The following NMT2 variants were observed in gnomAD, a reference collection of about 807,000 sequenced individuals.
NMT2 encodes the protein N-myristoyltransferase 2, also known as glycylpeptide N-tetradecanoyltransferase 2.
Under a neutral mutation model 65.4 loss-of-function variants are expected in NMT2, and 35 were observed. The ratio of observed to expected loss-of-function variants is 0.54; its 90% CI spans 0.41 to 0.71. The LOEUF (loss-of-function observed/expected upper bound fraction) is 0.71. NMT2 is among the 30% of genes least tolerant of loss of function. The pLI is 0.00. For synonymous variants in NMT2, 226 were observed against 231.8 expected (o/e 0.98, Z 0.23); for missense variants, 489 against 611.3 (o/e 0.80, Z 2.11).
Position 15,139,863 on chromosome 10 carries a change from C to CCATATA in NMT2, c.246+1558_246+1559insTATATG, listed in dbSNP as rs1434021981. ...AAAGCTTGTAGAATGGTAACAACTACTATATATATATATATATATATATAT... is the reference window on the plus strand; with the variant it reads ...AAAGCTTGTAGAATGGTAACAACTACCATATATATATATATATATATATATATATAT... On this transcript the variant is annotated intron_variant, in intron 2 of 11. Coordinates refer to ENST00000378165, the MANE Select transcript of NMT2 (RefSeq NM_004808.3). The CCATATA allele has an allele frequency of 6.9e-4, 48 of 69,632 alleles. 4 individuals carry two copies. Among genetic ancestry groups the CCATATA allele is most frequent in the African/African-American group, 1.5e-3 (46 of 29,860 alleles). 4.3% of individuals were successfully genotyped at this position (69,632 alleles called of 1,614,324 possible).
chr10:15,108,912 T>C lies in NMT2; in HGVS notation c.*283A>G. On this transcript the variant is annotated 3_prime_UTR_variant, in exon 12 of 12. Coordinates refer to ENST00000378165, the MANE Select transcript of NMT2 (RefSeq NM_004808.3). ...AGTCCCTTTTCTAAGGGTGAAAAAA[T>C]ACCTCTTCAAGAGACAGGCAAAAAT... is the stretch of plus-strand genomic sequence containing the variant. 1.7e-6 allele frequency: 2 copies of C among 1,181,852 alleles called. No individual in the cohort carries two copies. The highest frequency in any genetic ancestry group is 1.0e-6 in the Non-Finnish European group (1 of 955,504). The allele number at this position is 1,181,852 out of a possible 1,614,324, so 73.2% of individuals were successfully genotyped here. A position where few individuals can be genotyped will look rare whatever the true frequency, so the allele number is the denominator to read the frequency against.
At chr10:15,132,784 A>G (rs759290901) in intron 6 of NMT2, 33 bp downstream of exon 6, 2 of 1,454,312 alleles carry the variant, frequency 1.4e-6, no homozygotes, top group East Asian at 4.6e-5. Flanking sequence ...AAATAAACAT[A>G]TAAAAACCGC....
intron 8 of NMT2, among the ~76,000 whole-genome samples, chr10:15,120,673 C>T (rs571656849): frequency 6.6e-6 from 1 of 152,130 alleles, no homozygotes; most frequent in African/African-American, 2.4e-5. Flanking sequence ...TATGCAATAG[C>T]CCATTAAAAG....
At chr10:15,157,959 A>G (rs1324760023) in intron 1 of NMT2, among the ~76,000 whole-genome samples, 4 of 152,226 alleles carry the variant, frequency 2.6e-5, no homozygotes, top group Admixed American at 2.6e-4. Context: ...TATGGCCTGG[A>G]TAACTTATTA....
chr10:15,143,591 T>C (rs1375010414), intron 1 of NMT2, among the ~76,000 whole-genome samples: 1 of 152,224 alleles, frequency 6.6e-6, no homozygotes, highest in Non-Finnish European at 1.5e-5. Context: ...GCATGGTGGC[T>C]CACGCCTATA....
chr10:15,158,554 C>T (rs1468644423), intron 1 of NMT2, among the ~76,000 whole-genome samples: 1 of 152,108 alleles, frequency 6.6e-6, no homozygotes, highest in African/African-American at 2.4e-5. Flanking sequence ...TTCTGCAAAT[C>T]TTTAGTAAGT....
chr10:15,112,226 T>A (rs1401528012), intron 10 of NMT2, among the ~76,000 whole-genome samples: 75 of 37,526 alleles, frequency 2.0e-3, no homozygotes, highest in African/African-American at 3.9e-3. Flanking sequence ...ATTTTTTTTT[T>A]TTTTTTTTTT....
At chr10:15,109,594 TA>T in intron 11 of NMT2, 107 bp downstream of exon 11, 1 of 870,470 alleles carries the variant, frequency 1.1e-6, no homozygotes, top group Non-Finnish European at 1.6e-6. Flanking sequence ...AATAAATAAA[TA>T]AAATGAACAA....
chr10:15,121,677 G>C (rs1334417020), intron 8 of NMT2, among the ~76,000 whole-genome samples: 4 of 152,068 alleles, frequency 2.6e-5, no homozygotes, highest in African/African-American at 4.8e-5. Context: ...AAGGAAAATA[G>C]GTTTTCTCTT....
At chr10:15,154,922 G>T in intron 1 of NMT2, 1 of 962,964 alleles carries the variant, frequency 1.0e-6, no homozygotes, top group Non-Finnish European at 1.7e-6. Flanking sequence ...CCACATGCTT[G>T]CCATCCAACC....
At chr10:15,153,860 A>C (rs979140355) in intron 1 of NMT2, among the ~76,000 whole-genome samples, 1 of 151,816 alleles carries the variant, frequency 6.6e-6, no homozygotes. Context: ...TCACTGTGTT[A>C]GCCAGGATGG....
chr10:15,154,969 C>T lies in NMT2; in HGVS notation c.111-13412G>A, dbSNP rs139604717. 5.8e-4 allele frequency: 655 copies of T among 1,138,866 alleles called. 4 individuals are homozygous for T. In the African/African-American group the frequency reaches 8.8e-3, roughly 15 times the overall value. The allele number at this position is 1,138,866 out of a possible 1,614,324, so 70.5% of individuals were successfully genotyped here. On this transcript the variant is annotated intron_variant, in intron 1 of 11. Transcript: ENST00000378165. ...GCAGTGCAGATGAAAATCTGGGAAT[C>T]GTTTGTGTTGGGTCCAGCATTTGCC...
chr10:15,120,475 G>C lies in NMT2; in HGVS notation c.1000-962C>G, dbSNP rs777879624. ...TTCGTCTCAAAAATAAATAAATAAA[G>C]TATACAGGAGGATGTGCATACATTA... On this transcript the variant is annotated intron_variant, in intron 8 of 11. Coordinates refer to ENST00000378165, the MANE Select transcript of NMT2 (RefSeq NM_004808.3). 6.6e-4 allele frequency among the ~76,000 whole-genome samples: 101 copies of C among 152,014 alleles called. 4 individuals are homozygous for C. Among genetic ancestry groups the C allele is most frequent in the Middle Eastern group, 3.4e-3 (1 of 294 alleles).
At chr10:15,156,119 G>C (rs1832989803) in intron 1 of NMT2, among the ~76,000 whole-genome samples, 1 of 152,174 alleles carries the variant, frequency 6.6e-6, no homozygotes, top group African/African-American at 2.4e-5. Context: ...CGGTGATGTG[G>C]TTTGGGTGTG....
At chr10:15,158,393 C>T (rs891958160) in intron 1 of NMT2, among the ~76,000 whole-genome samples, 4 of 151,856 alleles carry the variant, frequency 2.6e-5, no homozygotes, top group Non-Finnish European at 5.9e-5. Context: ...ATGTTGGGCC[C>T]TATATAGCAG....
In NMT2 at chr10:15,127,561, A is replaced by AT. The variant is rs1488095655; in HGVS notation, c.999+788_999+789insA. Among the ~76,000 whole-genome samples the AT allele has an allele frequency of 4.1e-4, 29 of 71,278 alleles. 3 individuals carry two copies. Among genetic ancestry groups the AT allele is most frequent in the Middle Eastern group, 8.1e-3 (1 of 124 alleles). The allele number at this position is 71,278 out of a possible 152,430, so 46.8% of individuals were successfully genotyped here. A position where few individuals can be genotyped will look rare whatever the true frequency, so the allele number is the denominator to read the frequency against. On this transcript the variant is annotated intron_variant, in intron 8 of 11. Coordinates refer to ENST00000378165, the MANE Select transcript of NMT2 (RefSeq NM_004808.3). ...GACTCCGTCTCAAAAAAAAAAAAAA[A>AT]AAAAAAAAATAAATAAATAAATAAA...
chr10:15,143,754 G>T (rs1846858337), intron 1 of NMT2, among the ~76,000 whole-genome samples: 1 of 152,108 alleles, frequency 6.6e-6, no homozygotes, highest in East Asian at 1.9e-4. Flanking sequence ...CCAGCTACTT[G>T]GGAGGCTAAG....
intron 1 of NMT2, among the ~76,000 whole-genome samples, chr10:15,155,850 C>T (rs1321781305): frequency 2.0e-5 from 3 of 152,094 alleles, no homozygotes; most frequent in Non-Finnish European, 2.9e-5. Flanking sequence ...GGTCACTTGA[C>T]CACAAGCACT....
intron 8 of NMT2, among the ~76,000 whole-genome samples, chr10:15,125,850 A>G (rs1217585261): frequency 2.0e-5 from 3 of 152,008 alleles, no homozygotes; most frequent in African/African-American, 7.2e-5. Flanking sequence ...AATTTTTAGT[A>G]GAGATGGGGT....
Sources: gnomAD v4.1 joint callset for allele counts (sites outside exome capture counted in the v4.1 genomes callset) on GRCh38, gnomAD v4.1.1 for gene constraint, MANE v1.5 for transcripts, NCBI Gene and HGNC (gene_info 2026-07-23, HGNC 2026-07-21) for gene names.